The following PCDH19 variants were observed in gnomAD, a reference collection of about 807,000 sequenced individuals.
PCDH19 encodes the protein protocadherin 19.
PCDH19 carries 6 observed loss-of-function variants against 46.2 expected under a neutral mutation model. That is an observed-to-expected ratio of 0.13 (90% confidence interval 0.07 to 0.26). The LOEUF is 0.26. Ranked by LOEUF, PCDH19 falls within the 10% of genes least tolerant of loss-of-function variation. The pLI is 1.00. For synonymous variants in PCDH19, 481 were observed against 415.7 expected, an observed-to-expected ratio of 1.16 and a Z score of -1.91; for missense variants, 740 against 972.3, an observed-to-expected ratio of 0.76 and a Z score of 3.18.
At chrX:100,339,940 T>C (rs1926205187) in intron 5 of PCDH19, among the ~76,000 whole-genome samples, 1 of 111,992 alleles carries the variant, frequency 8.9e-6, no homozygotes, top group African/African-American at 3.2e-5. Flanking sequence ...TGTGTGTGTG[T>C]GTAAAATCAT....
At chrX:100,405,380 T>C (rs1395334282) in intron 1 of PCDH19, among the ~76,000 whole-genome samples, 1 of 112,454 alleles carries the variant, frequency 8.9e-6, no homozygotes, top group East Asian at 2.8e-4. Context: ...AAAAAAAATG[T>C]CATGTATTAT....
At chrX:100,354,617 C>T (rs974491528) in intron 3 of PCDH19, among the ~76,000 whole-genome samples, 7 of 112,011 alleles carry the variant, frequency 6.2e-5, no homozygotes, top group Non-Finnish European at 1.1e-4. Flanking sequence ...TGTCAGATTA[C>T]CTGCCAAGGT....
Position 100,408,395 on chromosome X carries a change from G to T in PCDH19, c.203C>A (p.Ala68Asp), listed in dbSNP as rs1928473737. 8.3e-7 allele frequency: 1 copy of T among 1,206,575 alleles called. No individual in the cohort carries two copies. The highest frequency in any genetic ancestry group is 1.8e-5 in the African/African-American group (1 of 57,033). ...ASAFRVVSNSAPHLVDINPSS... is the reference protein window; with the variant it reads ...ASAFRVVSNSDPHLVDINPSS... ...GGGATTGATGTCCACTAGGTGTGGA[G>T]CCGAGTTGGACACCACGCGAAAGGC... is the stretch of plus-strand genomic sequence containing the variant. Residue 68 changes from alanine (A) to aspartate (D), a missense_variant, in exon 1 of 6, where the codon GCT becomes GAT. Physicochemically the swap from Ala to Asp is moderately radical, Grantham distance 126. Coordinates refer to ENST00000373034, the MANE Select transcript of PCDH19 (RefSeq NM_001184880.2).
chrX:100,382,325 C>T (rs1027441248), intron 3 of PCDH19, among the ~76,000 whole-genome samples: 4 of 111,067 alleles, frequency 3.6e-5, no homozygotes, highest in African/African-American at 9.8e-5. Context: ...TAGGCCACTA[C>T]ACTTCACCCC....
intron 3 of PCDH19, among the ~76,000 whole-genome samples, chrX:100,359,907 T>A (rs1199451548): frequency 9.1e-6 from 1 of 109,450 alleles, no homozygotes; most frequent in African/African-American, 3.3e-5. Context: ...CTTTGAGCCC[T>A]TCTGGCTCAC....
At chrX:100,329,676 G>A (rs1925811973) in intron 5 of PCDH19, among the ~76,000 whole-genome samples, 1 of 111,262 alleles carries the variant, frequency 9.0e-6, no homozygotes, top group African/African-American at 3.3e-5. Flanking sequence ...TTGGGAGGCC[G>A]AGGTGGGCAG....
intron 5 of PCDH19, among the ~76,000 whole-genome samples, chrX:100,327,808 A>G (rs187423842): frequency 5.3e-4 from 59 of 111,676 alleles, no homozygotes; most frequent in African/African-American, 1.8e-3. Flanking sequence ...TTGGAATTCT[A>G]TGCTTGTCTC....
At chrX:100,402,922 G>T in intron 2 of PCDH19, 71 bp from the exon 3 acceptor site, 1 of 842,345 alleles carries the variant, frequency 1.2e-6, no homozygotes, top group Non-Finnish European at 1.7e-6. Flanking sequence ...TAAACATTAA[G>T]CACCCCAGAG....
At chrX:100,368,582 C>G (rs1194059899) in intron 3 of PCDH19, among the ~76,000 whole-genome samples, 2 of 111,776 alleles carry the variant, frequency 1.8e-5, no homozygotes, top group South Asian at 3.8e-4. Flanking sequence ...TCACCTTTCT[C>G]CCTTCCAGGA....
chrX:100,322,637 A>G (rs1025623928), intron 5 of PCDH19, among the ~76,000 whole-genome samples: 1 of 107,118 alleles, frequency 9.3e-6, no homozygotes, highest in Admixed American at 1.0e-4. Flanking sequence ...GCAAAGAATG[A>G]TGGTAGTATT....
At chrX:100,352,580 C>T (rs969107082) in intron 3 of PCDH19, among the ~76,000 whole-genome samples, 14 of 111,839 alleles carry the variant, frequency 1.3e-4, no homozygotes, top group Admixed American at 7.6e-4. Context: ...ATCATGGTGG[C>T]GGTTTCTCAT....
At position 100,410,187 on chromosome X, in the gene PCDH19, GCCGTCTGTGCCCGCTCGT is replaced by G; in HGVS notation, c.-1608_-1591del. 3.4e-6 allele frequency: 1 copy of G among 297,111 alleles called. No homozygotes were observed. The highest frequency in any genetic ancestry group is 6.1e-5 in the Admixed American group (1 of 16,521). The allele number at this position is 297,111 out of a possible 1,213,427, so 24.5% of individuals were successfully genotyped here. On this transcript the variant is annotated 5_prime_UTR_variant, in exon 1 of 6. Coordinates refer to ENST00000373034, the MANE Select transcript of PCDH19 (RefSeq NM_001184880.2). ...AGGCATGGTGCACGGGAGCTGTGCT[GCCGTCTGTGCCCGCTCGT>G]CCGTCTCCGCGCTGCGCCAGCCGCC... is the stretch of plus-strand genomic sequence containing the variant.
chrX:100,356,026 C>T (rs188272512), intron 3 of PCDH19, among the ~76,000 whole-genome samples: 1 of 108,628 alleles, frequency 9.2e-6, no homozygotes. Context: ...TGCAGATATC[C>T]AGGACTAGAC....
chrX:100,358,286 TC>T (rs1233787604), intron 3 of PCDH19, among the ~76,000 whole-genome samples: 5 of 111,986 alleles, frequency 4.5e-5, no homozygotes, highest in Non-Finnish European at 9.4e-5. Context: ...CAGCTACTTT[TC>T]TACAGGTGGT....
intron 3 of PCDH19, among the ~76,000 whole-genome samples, chrX:100,374,832 G>A (rs891343940): frequency 8.1e-5 from 9 of 111,001 alleles, no homozygotes; most frequent in South Asian, 3.9e-4. Context: ...CCAGCTACCC[G>A]GGAGGCTGAG....
rs550942981 is a variant in PCDH19, at chrX:100,373,269, G to A, written c.2617-22565C>T. Among the ~76,000 whole-genome samples the A allele has an allele frequency of 6.2e-5, 7 of 112,700 alleles. No homozygotes were observed. The South Asian group carries it at 1.8e-3, about 29-fold the overall frequency. On this transcript the variant is annotated intron_variant, in intron 3 of 5. Coordinates refer to ENST00000373034, the MANE Select transcript of PCDH19 (RefSeq NM_001184880.2). ...TGATCTGCCCCCCTCAGCCTCCCTCGGGATTATAGGCGTGAGCCACCTCCC... is the reference window on the plus strand; with the variant it reads ...TGATCTGCCCCCCTCAGCCTCCCTCAGGATTATAGGCGTGAGCCACCTCCC...
At chrX:100,379,126 C>G (rs1964705424) in intron 3 of PCDH19, among the ~76,000 whole-genome samples, 1 of 110,983 alleles carries the variant, frequency 9.0e-6, no homozygotes, top group African/African-American at 3.3e-5. Context: ...TGAATCTCCC[C>G]CTGGCCACAT....
intron 3 of PCDH19, among the ~76,000 whole-genome samples, chrX:100,402,249 C>T (rs912377781): frequency 8.9e-6 from 1 of 112,200 alleles, no homozygotes; most frequent in Non-Finnish European, 1.9e-5. Context: ...ACAGGTGGAG[C>T]AAACTTGAGT....
intron 5 of PCDH19, among the ~76,000 whole-genome samples, chrX:100,325,543 T>C (rs1925668346): frequency 9.0e-6 from 1 of 110,667 alleles, no homozygotes; most frequent in South Asian, 3.9e-4. Context: ...CTAATTTTTG[T>C]ATTTTTAGTA....
Sources: gnomAD v4.1 joint callset for allele counts (sites outside exome capture counted in the v4.1 genomes callset) on GRCh38, gnomAD v4.1.1 for gene constraint, MANE v1.5 for transcripts, NCBI Gene and HGNC (gene_info 2026-07-23, HGNC 2026-07-21) for gene names.